MAP7D2: variants seen among roughly 807,000 people sequenced by gnomAD.
The protein encoded by MAP7D2 is MAP7 domain containing 2, also known as MAP7 domain-containing protein 2.
MAP7D2 carries 33 observed loss-of-function variants against 63.5 expected under a neutral mutation model. The ratio of observed to expected loss-of-function variants is 0.52; its 90% CI spans 0.39 to 0.70. MAP7D2 has a LOEUF of 0.70. Among genes scored for constraint, MAP7D2 ranks in the 30% least tolerant of loss-of-function variants. The pLI, the probability that MAP7D2 is intolerant of heterozygous loss-of-function variation, is 0.00. For missense variants in MAP7D2, 626 were observed against 604.0 expected (o/e 1.04, Z -0.38); for synonymous variants, 224 against 223.7 (o/e 1.00, Z -0.01).
At chrX:20,071,047 A>C (rs1179829500) in intron 1 of MAP7D2, among the ~76,000 whole-genome samples, 1 of 112,326 alleles carries the variant, frequency 8.9e-6, no homozygotes, top group Non-Finnish European at 1.9e-5. Context: ...TCCAGAAAAA[A>C]AGGGAAGGAG....
At chrX:20,100,155 G>A (rs969903401) in intron 1 of MAP7D2, among the ~76,000 whole-genome samples, 1 of 112,104 alleles carries the variant, frequency 8.9e-6, no homozygotes, top group South Asian at 3.7e-4. Context: ...TCATGAAGTG[G>A]TGCTTAGTTT....
intron 3 of MAP7D2, among the ~76,000 whole-genome samples, chrX:20,060,302 A>G (rs926309219): frequency 9.1e-6 from 1 of 110,066 alleles, no homozygotes; most frequent in African/African-American, 3.3e-5. Flanking sequence ...TTACAGGCAT[A>G]AGCCACCATG....
At chrX:20,023,684 C>A (rs1417583847) in intron 10 of MAP7D2, among the ~76,000 whole-genome samples, 1 of 111,634 alleles carries the variant, frequency 9.0e-6, no homozygotes, top group Non-Finnish European at 1.9e-5. Flanking sequence ...CGACTACGAT[C>A]ATGTTACTCA....
chrX:20,050,742 C>A (rs2064924900), intron 6 of MAP7D2, 82 bp downstream of exon 6: 2 of 1,041,899 alleles, frequency 1.9e-6, no homozygotes, highest in Non-Finnish European at 2.5e-6. Flanking sequence ...GAAGCAAAAT[C>A]CAAAAATTCA....
chrX:20,047,360 C>T (rs1435284334), intron 6 of MAP7D2, among the ~76,000 whole-genome samples: 2 of 112,064 alleles, frequency 1.8e-5, no homozygotes, highest in Non-Finnish European at 3.8e-5. Context: ...TTCCTATGTG[C>T]GTGCCACGAT....
intron 3 of MAP7D2, among the ~76,000 whole-genome samples, chrX:20,061,966 T>C (rs1363749434): frequency 8.9e-6 from 1 of 112,055 alleles, no homozygotes; most frequent in Non-Finnish European, 1.9e-5. Flanking sequence ...CCAGCAACTC[T>C]TAACACAGAA....
At chrX:20,094,233 C>T (rs1480620960) in intron 1 of MAP7D2, among the ~76,000 whole-genome samples, 1 of 107,546 alleles carries the variant, frequency 9.3e-6, no homozygotes, top group African/African-American at 3.3e-5. Flanking sequence ...GGGCATGTGA[C>T]AAAGCTTATA....
intron 3 of MAP7D2, 142 bp downstream of exon 3, chrX:20,063,272 G>T: frequency 1.8e-6 from 1 of 550,686 alleles, no homozygotes; most frequent in Non-Finnish European, 2.8e-6. Flanking sequence ...ATGTCATGTT[G>T]CTGAAAGAAG....
In MAP7D2 at chrX:20,050,927, A is replaced by G. The variant is rs778107381; in HGVS notation, c.615T>C (p.Ser205=). The G allele has an allele frequency of 1.6e-4, 183 of 1,162,429 alleles. 4 individuals carry two copies. The South Asian group carries it at 3.5e-3, about 22-fold the overall frequency. Residue 205 remains serine, a synonymous_variant, in exon 6 of 17, where the codon AGT becomes AGC. Transcript: ENST00000379643. The stretch of plus-strand genomic sequence containing the variant: ...GCGAAACAAGAATGGCTTCCATTGG[A>G]CTAAGGTGCATGTGATGAGCTGAGG... ...SPDRAHHMHL[S]PMEAILVSRL...
chrX:20,035,363 T>C (rs1603363384), intron 8 of MAP7D2, among the ~76,000 whole-genome samples: 1 of 111,700 alleles, frequency 9.0e-6, no homozygotes, highest in African/African-American at 3.3e-5. Context: ...TTCCTTGAAA[T>C]AGGGACTGTT....
chrX:20,094,531 T>C (rs1198826160), intron 1 of MAP7D2, among the ~76,000 whole-genome samples: 2 of 16,279 alleles, frequency 1.2e-4, no homozygotes, highest in African/African-American at 9.0e-4. Flanking sequence ...TATATATATA[T>C]ATATATATAT....
At chrX:20,104,570 G>A (rs1015051062) in intron 1 of MAP7D2, among the ~76,000 whole-genome samples, 38 of 112,518 alleles carry the variant, frequency 3.4e-4, no homozygotes, top group Non-Finnish European at 6.8e-4. Flanking sequence ...CAAAGTGCTG[G>A]GATTACAGGC....
In MAP7D2 at chrX:20,006,899, C is replaced by T. The variant is rs2073030414; in HGVS notation, c.*1526G>A. ...CAATGAAAATGTATTTCACATTAAA[C>T]ACAAGGTACATATCATGCAAATGAG... is the stretch of plus-strand genomic sequence containing the variant. On this transcript the variant is annotated 3_prime_UTR_variant, in exon 17 of 17. Coordinates refer to ENST00000379643, the MANE Select transcript of MAP7D2 (RefSeq NM_001168465.2). 8.9e-6 allele frequency: 1 copy of T among 112,361 alleles called. No homozygotes were observed. The highest frequency in any genetic ancestry group is 2.8e-4 in the East Asian group (1 of 3,617). The allele number at this position is 112,361 out of a possible 1,213,427, so 9.3% of individuals were successfully genotyped here.
chrX:20,094,565 T>C (rs1385375098), intron 1 of MAP7D2, among the ~76,000 whole-genome samples: 3 of 13,946 alleles, frequency 2.2e-4, no homozygotes, highest in Non-Finnish European at 2.1e-4. Context: ...TATATATATA[T>C]ATACATATAT....
rs142215878 is a variant in MAP7D2 at position 20,064,464 on chromosome X, G to A, written c.208+264C>T. 4.5e-5 allele frequency among the ~76,000 whole-genome samples: 5 copies of A among 112,203 alleles called. No individual in the cohort carries two copies. The East Asian group carries it at 1.4e-3, about 31-fold the overall frequency. On this transcript the variant is annotated intron_variant, in intron 2 of 16. Coordinates refer to ENST00000379643, the MANE Select transcript of MAP7D2 (RefSeq NM_001168465.2). The stretch of plus-strand genomic sequence containing the variant: ...CTTCCTTAGATCAGGGGCAGCGACT[G>A]TTTCTCTTTCTTCAATATCGTAACT...
intron 1 of MAP7D2, among the ~76,000 whole-genome samples, chrX:20,099,464 G>C (rs1384021117): frequency 1.8e-5 from 2 of 111,819 alleles, no homozygotes; most frequent in East Asian, 5.6e-4. Flanking sequence ...CCATCATCCT[G>C]TCTGCCTTTT....
chrX:20,090,625 A>G (rs1175339991), intron 1 of MAP7D2, among the ~76,000 whole-genome samples: 1 of 112,316 alleles, frequency 8.9e-6, no homozygotes, highest in Non-Finnish European at 1.9e-5. Context: ...ACCACTTGGG[A>G]AAAGATTTGG....
intron 4 of MAP7D2, among the ~76,000 whole-genome samples, chrX:20,055,993 A>G (rs191323689): frequency 8.9e-6 from 1 of 112,056 alleles, no homozygotes; most frequent in Non-Finnish European, 1.9e-5. Flanking sequence ...CAAAGGTGAA[A>G]AGCACAATAC....
At chrX:20,015,486 A>G (rs899079287) in intron 11 of MAP7D2, among the ~76,000 whole-genome samples, 159 bp from the exon 12 acceptor site, 1 of 112,619 alleles carries the variant, frequency 8.9e-6, no homozygotes. Flanking sequence ...TGCATGACAC[A>G]GCAAACATGG....
Sources: gnomAD v4.1 joint callset for allele counts (sites outside exome capture counted in the v4.1 genomes callset) on GRCh38, gnomAD v4.1.1 for gene constraint, MANE v1.5 for transcripts, NCBI Gene and HGNC (gene_info 2026-07-23, HGNC 2026-07-21) for gene names.